The following AFAP1L1 variants were observed in gnomAD, a reference collection of about 807,000 sequenced individuals.
AFAP1L1 encodes actin filament-associated protein 1-like 1.
In AFAP1L1, 77 loss-of-function variants were observed where a neutral mutation model predicts 99.8. The observed-to-expected ratio is 0.77, with a 90% confidence interval of 0.64 to 0.93. The LOEUF (loss-of-function observed/expected upper bound fraction) is 0.93, where lower values mean the gene tolerates loss of function less well. Ranked by LOEUF, AFAP1L1 falls within the 40% of genes least tolerant of loss-of-function variation. The probability of loss-of-function intolerance (pLI) is 0.00; values close to 1 mark genes in which losing one functional copy is unlikely to be tolerated. For missense variants in AFAP1L1, 893 were observed against 996.8 expected, an observed-to-expected ratio of 0.90 and a Z score of 1.40; for synonymous variants, 373 against 395.3, an observed-to-expected ratio of 0.94 and a Z score of 0.67.
At chr5:149,295,072 T>C (rs1245653907) in intron 1 of AFAP1L1, among the ~76,000 whole-genome samples, 1 of 152,254 alleles carries the variant, frequency 6.6e-6, no homozygotes, top group Admixed American at 6.5e-5. Flanking sequence ...GCAGGTTCAG[T>C]GCAAGCTGTG....
At chr5:149,322,522 A>G in intron 14 of AFAP1L1, 84 bp from the exon 15 acceptor site, 2 of 933,822 alleles carry the variant, frequency 2.1e-6, no homozygotes, top group Non-Finnish European at 3.2e-6. Flanking sequence ...AGAAGACTCC[A>G]TACTGAGCAA....
In AFAP1L1 at chr5:149,342,855, T is replaced by G. The variant is rs2127608181; in HGVS notation, c.*2825T>G. ...TGAACCCGGGAGGTGGAGGTTGCAG[T>G]GAGCCGAGATCGCACCACTGCACTC... On this transcript the variant is annotated 3_prime_UTR_variant, in exon 19 of 19. Coordinates refer to ENST00000296721, the MANE Select transcript of AFAP1L1 (RefSeq NM_152406.4). 6.6e-6 allele frequency among the ~76,000 whole-genome samples: 1 copy of G among 151,510 alleles called. No homozygotes were observed. The highest frequency in any genetic ancestry group is 2.4e-5 in the African/African-American group (1 of 41,232).
At position 149,320,377 on chromosome 5, in the gene AFAP1L1, A is replaced by C. The variant is rs17796395; in HGVS notation, c.1626-14A>C. On this transcript the variant is annotated splice_polypyrimidine_tract_variant and intron_variant, in intron 13 of 18. Transcript: ENST00000296721. The surrounding 1 kb of genome is among the most constrained non-coding windows in gnomAD (Gnocchi z 4.0). ...ATTGTCATTGTCATTGTCATCGTAC[A>C]TTTTATTTTCTAGATATGCAAGATC... 5.6e-3 allele frequency: 9,019 copies of C among 1,613,334 alleles called. 348 individuals carry two copies. The East Asian group carries it at 0.11, about 20-fold the overall frequency.
At position 149,274,256 on chromosome 5, in the gene AFAP1L1, C is replaced by A. The variant is rs188268988; in HGVS notation, c.16+2272C>A. Reference sequence around the variant, plus strand: ...GGCACATAGTGCACAGTGAGGAGCTCCAACAGTGGTTTAATTAGTAAAATA... The same window carrying A: ...GGCACATAGTGCACAGTGAGGAGCTACAACAGTGGTTTAATTAGTAAAATA... On this transcript the variant is annotated intron_variant, in intron 1 of 18. Transcript: ENST00000296721. Among the ~76,000 whole-genome samples, 2 of 152,326 alleles carry A rather than the reference C, an allele frequency of 1.3e-5. 1 individual carries two copies. The highest frequency in any genetic ancestry group is 1.3e-4 in the Admixed American group (2 of 15,300).
rs932406099 is a variant in AFAP1L1, at chr5:149,306,361, C to G, written c.492C>G (p.Ser164Arg). 2.5e-6 allele frequency: 4 copies of G among 1,613,356 alleles called. No homozygotes were observed. The East Asian group carries it at 6.7e-5, about 27-fold the overall frequency. ...ATGGCTACTATGAGGACGCAGACAGCAGCTACCCTGCAACCAGGGTGAACG... is the reference window on the plus strand; with the variant it reads ...ATGGCTACTATGAGGACGCAGACAGGAGCTACCCTGCAACCAGGGTGAACG... ...IVDGYYEDAD[S>R]SYPATRVNGE... The change falls in exon 6 of 19, where the codon AGC becomes AGG. Residue 164 changes from serine to arginine, a missense_variant. Transcript: ENST00000296721.
At chr5:149,306,153 C>G (rs1169994785) in intron 5 of AFAP1L1, among the ~76,000 whole-genome samples, 153 bp from the exon 6 acceptor site, 3 of 152,184 alleles carry the variant, frequency 2.0e-5, no homozygotes, top group African/African-American at 7.2e-5. Context: ...AGATGAGATG[C>G]AGAGAGGAGG....
intron 17 of AFAP1L1, 89 bp from the exon 18 acceptor site, chr5:149,335,505 A>G: frequency 6.9e-7 from 1 of 1,456,940 alleles, no homozygotes; most frequent in Non-Finnish European, 9.2e-7. Flanking sequence ...TAAAAATAAT[A>G]AAGTGTCCTC....
At chr5:149,312,456 G>C (rs892560313) in intron 9 of AFAP1L1, 2 of 540,696 alleles carry the variant, frequency 3.7e-6, no homozygotes, top group Middle Eastern at 4.9e-4. Flanking sequence ...GCCAGGACAG[G>C]AGGAGGTCAC....
chr5:149,313,103 G>A (rs1268426953), intron 9 of AFAP1L1, among the ~76,000 whole-genome samples: 6 of 151,380 alleles, frequency 4.0e-5, no homozygotes, highest in Non-Finnish European at 7.4e-5. Context: ...TCCAGCCTGG[G>A]CAAAAAGAGC....
chr5:149,273,253 C>A (rs1449609117), intron 1 of AFAP1L1, among the ~76,000 whole-genome samples: 1 of 150,858 alleles, frequency 6.6e-6, no homozygotes, highest in African/African-American at 2.4e-5. Flanking sequence ...ATGGAAAATT[C>A]ATTCCCCTCC....
rs1199431240 is a variant in AFAP1L1, at chr5:149,342,939, G to T, written c.*2909G>T. ...AAAAAAAAATGCCTTATTTGGTTGT[G>T]TTTTTTCAAAGTGTAAGCCACAGGT... is the stretch of plus-strand genomic sequence containing the variant. On this transcript the variant is annotated 3_prime_UTR_variant, in exon 19 of 19. Coordinates refer to ENST00000296721, the MANE Select transcript of AFAP1L1 (RefSeq NM_152406.4). Among the ~76,000 whole-genome samples the T allele has an allele frequency of 6.6e-6, 1 of 151,922 alleles. No individual in the cohort carries two copies. Among genetic ancestry groups the T allele is most frequent in the East Asian group, 1.9e-4 (1 of 5,168 alleles).
At chr5:149,291,815 T>C (rs1298830224) in intron 1 of AFAP1L1, among the ~76,000 whole-genome samples, 1 of 152,204 alleles carries the variant, frequency 6.6e-6, no homozygotes, top group African/African-American at 2.4e-5. Context: ...CTTTATGAGA[T>C]GGAAATTGGG....
At chr5:149,323,554 C>G (rs559786115) in intron 15 of AFAP1L1, among the ~76,000 whole-genome samples, 1 of 152,320 alleles carries the variant, frequency 6.6e-6, no homozygotes, top group Non-Finnish European at 1.5e-5. Context: ...AAGTTCTGTT[C>G]TGTGCTTTTT....
At chr5:149,338,054 T>C (rs1757455503) in intron 18 of AFAP1L1, among the ~76,000 whole-genome samples, 1 of 152,172 alleles carries the variant, frequency 6.6e-6, no homozygotes, top group East Asian at 1.9e-4. Flanking sequence ...TGAGCTGAAA[T>C]TGCATATCAT....
At position 149,320,262 on chromosome 5, in the gene AFAP1L1, T is replaced by G. The variant is rs17642570; in HGVS notation, c.1626-129T>G. 2 of 852,102 alleles carry G rather than the reference T, an allele frequency of 2.3e-6. No individual in the cohort carries two copies. The highest frequency in any genetic ancestry group is 2.1e-5 in the Admixed American group (1 of 48,458). The allele number at this position is 852,102 out of a possible 1,614,324, so 52.8% of individuals were successfully genotyped here. A position where few individuals can be genotyped will look rare whatever the true frequency, so the allele number is the denominator to read the frequency against. ...CATGACACAATGCTGCCTGCCATCTTGCTTTTACCAATCTTCTGATCTGCC... is the reference window on the plus strand; with the variant it reads ...CATGACACAATGCTGCCTGCCATCTGGCTTTTACCAATCTTCTGATCTGCC... On this transcript the variant is annotated intron_variant, in intron 13 of 18. Transcript: ENST00000296721. This position sits in a 1 kb window ranked among gnomAD's most constrained non-coding sequence, Gnocchi z 4.0.
chr5:149,287,969 T>C (rs944659282), intron 1 of AFAP1L1, among the ~76,000 whole-genome samples: 1 of 152,174 alleles, frequency 6.6e-6, no homozygotes, highest in African/African-American at 2.4e-5. Context: ...GCTGTTATTA[T>C]TAGATAGCTT....
chr5:149,293,677 A>G (rs531220043), intron 1 of AFAP1L1, among the ~76,000 whole-genome samples: 11 of 152,352 alleles, frequency 7.2e-5, no homozygotes, highest in African/African-American at 2.4e-4. Context: ...TGGAGTCTCC[A>G]TAGTTGTGGA....
At chr5:149,326,555 A>T (rs352342) in intron 15 of AFAP1L1, among the ~76,000 whole-genome samples, 4 of 128,670 alleles carry the variant, frequency 3.1e-5, no homozygotes, top group Non-Finnish European at 5.5e-5. Context: ...TAAAAAAAAA[A>T]AAAAAAAGAA....
chr5:149,299,213 G>A (rs532410386), intron 1 of AFAP1L1, among the ~76,000 whole-genome samples: 19 of 152,188 alleles, frequency 1.2e-4, no homozygotes, highest in African/African-American at 4.1e-4. Flanking sequence ...ACCTCTGCTC[G>A]GGGCTGCCTG....
Sources: allele counts gnomAD v4.1 joint callset (sites outside exome capture counted in the v4.1 genomes callset), GRCh38; gene constraint gnomAD v4.1.1; non-coding constraint Gnocchi (gnomAD v3.1); transcripts MANE v1.5; gene names NCBI Gene and HGNC (gene_info 2026-07-23, HGNC 2026-07-21).